The following VEZT variants were observed in gnomAD, a reference collection of about 807,000 sequenced individuals.
VEZT encodes vezatin.
A neutral mutation model predicts 79.9 loss-of-function variants in VEZT; 39 were observed. The ratio of observed to expected loss-of-function variants is 0.49; its 90% confidence interval spans 0.38 to 0.64. The LOEUF (loss-of-function observed/expected upper bound fraction) is 0.64, where lower values mean the gene tolerates loss of function less well. VEZT is among the 30% of genes least tolerant of loss of function. VEZT has a pLI of 0.00. For synonymous variants in VEZT, 325 were observed against 327.6 expected, an observed-to-expected ratio of 0.99 and a Z score of 0.09; for missense variants, 837 against 893.1, an observed-to-expected ratio of 0.94 and a Z score of 0.80.
intron 1 of VEZT, among the ~76,000 whole-genome samples, chr12:95,239,836 C>T (rs2060650821): frequency 6.6e-6 from 1 of 152,054 alleles, no homozygotes; most frequent in Non-Finnish European, 1.5e-5. Context: ...CCTTTAATCC[C>T]AGCTACTCGG....
chr12:95,240,073 G>GAAGGAAGGAAGGAAGGAAGA lies in VEZT; in HGVS notation c.37-11864_37-11863insGAAGGAAGGAAGGAAGAAAG, dbSNP rs1491323550. ...GGAAGGAAGGAAGGAAGGAAGGAAGGAAGAAAAGAAAGAGGAAAACAGAAA... is the reference window on the plus strand; with the variant it reads ...GGAAGGAAGGAAGGAAGGAAGGAAGGAAGGAAGGAAGGAAGGAAGAAAGAAAAGAAAGAGGAAAACAGAAA... On this transcript the variant is annotated intron_variant, in intron 1 of 11. Coordinates refer to ENST00000436874, the MANE Select transcript of VEZT (RefSeq NM_017599.4). 5.6e-4 allele frequency among the ~76,000 whole-genome samples: 55 copies of GAAGGAAGGAAGGAAGGAAGA among 98,974 alleles called. 1 individual carries two copies. The highest frequency in any genetic ancestry group is 8.1e-4 in the African/African-American group (24 of 29,506). 64.9% of individuals were successfully genotyped at this position (98,974 alleles called of 152,430 possible). A position where few individuals can be genotyped will look rare whatever the true frequency, so the allele number is the denominator to read the frequency against.
chr12:95,235,327 G>A (rs1163499598), intron 1 of VEZT, among the ~76,000 whole-genome samples: 3 of 142,064 alleles, frequency 2.1e-5, no homozygotes, highest in East Asian at 4.5e-4. Context: ...GCGGCTGGCC[G>A]GGCAGAGGGG....
In VEZT at chr12:95,282,382, G is replaced by A. The variant is rs576029744; in HGVS notation, c.1066G>A (p.Ala356Thr). 1.4e-5 allele frequency: 22 copies of A among 1,613,800 alleles called. 1 individual carries two copies. In the African/African-American group the frequency reaches 1.5e-4, roughly 11 times the overall value. The change falls in exon 8 of 12, where the codon GCC becomes ACC. Residue 356 changes from alanine to threonine, a missense_variant. By Grantham distance (58) the Ala-to-Thr change is moderately conservative. Coordinates refer to ENST00000436874, the MANE Select transcript of VEZT (RefSeq NM_017599.4). ...FRRLALLLSTANSPPGPLLTP... is the reference protein window; with the variant it reads ...FRRLALLLSTTNSPPGPLLTP... The stretch of plus-strand genomic sequence containing the variant: ...ACGGTTAGCCCTATTACTTTCTACA[G>A]CCAATTCACCTCCTGGGCCCTTACT...
chr12:95,289,667 T>C (rs2072184048), intron 9 of VEZT, among the ~76,000 whole-genome samples: 1 of 152,164 alleles, frequency 6.6e-6, no homozygotes, highest in Non-Finnish European at 1.5e-5. Flanking sequence ...CTTTTTTCAC[T>C]AAAAAATTCA....
chr12:95,296,270 CTTT>C lies in VEZT; in HGVS notation c.1831+13_1831+15del. 6.4e-7 allele frequency: 1 copy of C among 1,561,056 alleles called. No individual in the cohort carries two copies. The highest frequency in any genetic ancestry group is 1.2e-5 in the South Asian group (1 of 83,212). On this transcript the variant is annotated intron_variant, in intron 11 of 11. Coordinates refer to ENST00000436874, the MANE Select transcript of VEZT (RefSeq NM_017599.4). ...ATTTAGTGATCATGGTAAGCACTGA[CTTT>C]AAAGTAACAGGTTATTTCAATGTAG...
At chr12:95,264,876 T>C (rs1045705749) in intron 4 of VEZT, among the ~76,000 whole-genome samples, 2 of 115,372 alleles carry the variant, frequency 1.7e-5, no homozygotes, top group Non-Finnish European at 3.7e-5. Context: ...TTTCTTTTTT[T>C]TTTTTTTTTT....
intron 11 of VEZT, chr12:95,299,270 C>T (rs1219030513): frequency 6.5e-6 from 1 of 154,738 alleles, no homozygotes; most frequent in African/African-American, 2.4e-5. Context: ...TCGAGAAGCA[C>T]TTTTTTCCTT....
At chr12:95,228,571 A>G (rs1047967683) in intron 1 of VEZT, among the ~76,000 whole-genome samples, 3 of 152,124 alleles carry the variant, frequency 2.0e-5, no homozygotes, top group African/African-American at 4.8e-5. Flanking sequence ...AAATTGTATT[A>G]TTTAAAATAA....
chr12:95,276,267 T>C (rs867113939), intron 7 of VEZT, among the ~76,000 whole-genome samples: 24 of 129,426 alleles, frequency 1.9e-4, no homozygotes, highest in East Asian at 1.5e-3. Flanking sequence ...TTCTTTTTTT[T>C]TTTTTTTTTT....
chr12:95,281,693 A>G (rs1940244993), intron 7 of VEZT, among the ~76,000 whole-genome samples: 1 of 151,934 alleles, frequency 6.6e-6, no homozygotes, highest in African/African-American at 2.4e-5. Context: ...CTACAAGCAC[A>G]TACCACCATG....
chr12:95,268,989 C>T (rs2066087534), intron 5 of VEZT, among the ~76,000 whole-genome samples: 1 of 152,110 alleles, frequency 6.6e-6, no homozygotes, highest in Admixed American at 6.5e-5. Flanking sequence ...TTAACATAAG[C>T]CTGTCAGTCA....
intron 4 of VEZT, among the ~76,000 whole-genome samples, chr12:95,264,656 T>G (rs913016199): frequency 1.3e-5 from 2 of 151,898 alleles, no homozygotes; most frequent in Admixed American, 1.3e-4. Flanking sequence ...AGGCTGGTCT[T>G]GAATTCCTGA....
chr12:95,235,004 CAGA>C (rs1310430586), intron 1 of VEZT, among the ~76,000 whole-genome samples: 1 of 151,898 alleles, frequency 6.6e-6, no homozygotes, highest in Admixed American at 6.6e-5. Flanking sequence ...GATCCCAAGG[CAGA>C]AGAATTTTTC....
At chr12:95,243,524 C>T (rs988023497) in intron 1 of VEZT, among the ~76,000 whole-genome samples, 2 of 152,078 alleles carry the variant, frequency 1.3e-5, no homozygotes, top group Non-Finnish European at 2.9e-5. Flanking sequence ...TCCCATTTGG[C>T]CTGTTATAAA....
intron 1 of VEZT, among the ~76,000 whole-genome samples, chr12:95,239,090 A>G (rs2060551134): frequency 6.6e-6 from 1 of 152,236 alleles, no homozygotes; most frequent in African/African-American, 2.4e-5. Context: ...TGGGGGAAGG[A>G]TTCATGAGCT....
intron 1 of VEZT, among the ~76,000 whole-genome samples, chr12:95,234,545 T>C (rs1034814826): frequency 2.6e-5 from 4 of 152,184 alleles, no homozygotes; most frequent in African/African-American, 9.7e-5. Context: ...TTTGCCCGCC[T>C]CAGCCTCCGA....
chr12:95,256,176 C>T (rs11107955), intron 2 of VEZT, among the ~76,000 whole-genome samples: 13,595 of 152,072 alleles, frequency 0.089, 796 homozygotes, highest in East Asian at 0.25. Context: ...CTCAGCCTCC[C>T]GAGTAGCTGG....
intron 1 of VEZT, among the ~76,000 whole-genome samples, chr12:95,236,113 T>C (rs2060134645): frequency 1.3e-5 from 2 of 152,110 alleles, no homozygotes; most frequent in African/African-American, 4.8e-5. Flanking sequence ...ATCACGCCAC[T>C]GCACTCCAGC....
chr12:95,295,618 G>A (rs1383221507), intron 10 of VEZT, among the ~76,000 whole-genome samples: 1 of 152,152 alleles, frequency 6.6e-6, no homozygotes, highest in Non-Finnish European at 1.5e-5. Flanking sequence ...AGAACCATAA[G>A]GTGGGGTGTT....
Sources: gnomAD v4.1 joint callset for allele counts (sites outside exome capture counted in the v4.1 genomes callset) on GRCh38, gnomAD v4.1.1 for gene constraint, MANE v1.5 for transcripts, NCBI Gene and HGNC (gene_info 2026-07-23, HGNC 2026-07-21) for gene names.